C1QTNF7: variants seen among roughly 807,000 people sequenced by gnomAD.
C1QTNF7 encodes complement C1q tumor necrosis factor-related protein 7.
Under a neutral mutation model 19.6 loss-of-function variants are expected in C1QTNF7, and 15 were observed. The observed-to-expected ratio is 0.76, with a 90% CI of 0.51 to 1.18. The LOEUF (loss-of-function observed/expected upper bound fraction) is 1.18. C1QTNF7 is among the 50% of genes most tolerant of loss of function. The pLI, the probability that C1QTNF7 is intolerant of heterozygous loss-of-function variation, is 0.00. For synonymous variants in C1QTNF7, 142 were observed against 137.5 expected, an observed-to-expected ratio of 1.03 and a Z score of -0.23; for missense variants, 324 against 359.7, an observed-to-expected ratio of 0.90 and a Z score of 0.80.
At chr4:15,340,320 G>A (rs1344383559) in intron 1 of C1QTNF7, 1 of 1,267,258 alleles carries the variant, frequency 7.9e-7, no homozygotes, top group Non-Finnish European at 1.1e-6. Context: ...GGGGGAACTT[G>A]TAAAAATATG....
chr4:15,423,109 C>A (rs769900883), upstream of C1QTNF7, among the ~76,000 whole-genome samples: 1 of 152,172 alleles, frequency 6.6e-6, no homozygotes, highest in Non-Finnish European at 1.5e-5. Flanking sequence ...GGCTGTAGAG[C>A]AAAGACTCTT....
At chr4:15,390,417 G>A (rs1490809137) in intron 1 of C1QTNF7, among the ~76,000 whole-genome samples, 2 of 152,188 alleles carry the variant, frequency 1.3e-5, no homozygotes, top group African/African-American at 4.8e-5. Context: ...AGGGACTGAA[G>A]CCTAGCCAAG....
In C1QTNF7 at chr4:15,417,603, C is replaced by T. The variant is rs2430322; in HGVS notation, c.14-18133C>T. Among the ~76,000 whole-genome samples, 1,073 of 152,288 alleles carry T rather than the reference C, an allele frequency of 7.0e-3. 13 individuals are homozygous for T. Among genetic ancestry groups the T allele is most frequent in the African/African-American group, 0.025 (1,028 of 41,570 alleles). On this transcript the variant is annotated intron_variant, in intron 1 of 2. Coordinates refer to the C1QTNF7 transcript ENST00000295297. ...AACAGTCTGAGCAGCATAGTGAGAA[C>T]CTGTCTCTACAAATATGGTGGCACA...
intron 1 of C1QTNF7, among the ~76,000 whole-genome samples, chr4:15,364,633 A>C (rs1434842957): frequency 1.3e-5 from 2 of 152,212 alleles, no homozygotes; most frequent in Admixed American, 6.5e-5. Context: ...AATTGTAATA[A>C]CTTCACATAT....
chr4:15,416,622 C>A (rs373811903), intron 1 of C1QTNF7, among the ~76,000 whole-genome samples: 1 of 152,306 alleles, frequency 6.6e-6, no homozygotes, highest in African/African-American at 2.4e-5. Flanking sequence ...CCACGATACT[C>A]GACCCTGCCT....
intron 1 of C1QTNF7, among the ~76,000 whole-genome samples, chr4:15,413,087 T>C (rs1313701629): frequency 6.6e-6 from 1 of 152,226 alleles, no homozygotes; most frequent in Non-Finnish European, 1.5e-5. Context: ...GTGTCCACTG[T>C]AGCAAGATAA....
At chr4:15,441,081 G>T (rs1000623583) in intron 2 of C1QTNF7, among the ~76,000 whole-genome samples, 1 of 152,120 alleles carries the variant, frequency 6.6e-6, no homozygotes, top group Non-Finnish European at 1.5e-5. Flanking sequence ...GGTGGAAGTT[G>T]CAATGAGCCA....
intron 1 of C1QTNF7, among the ~76,000 whole-genome samples, chr4:15,383,571 C>G (rs1718225550): frequency 6.6e-6 from 1 of 152,268 alleles, no homozygotes; most frequent in African/African-American, 2.4e-5. Context: ...CAATCTCCAA[C>G]TCCTAGCTGG....
At chr4:15,418,455 C>T (rs545899480) in intron 1 of C1QTNF7, among the ~76,000 whole-genome samples, 21 of 152,074 alleles carry the variant, frequency 1.4e-4, no homozygotes, top group Admixed American at 5.9e-4. Context: ...CTATAATTCC[C>T]GAAGTCCTCT....
At chr4:15,356,799 C>T (rs770648397) in intron 1 of C1QTNF7, among the ~76,000 whole-genome samples, 13 of 152,214 alleles carry the variant, frequency 8.5e-5, no homozygotes, top group Non-Finnish European at 1.8e-4. Context: ...TTCTAACTGG[C>T]GTGAGATGGT....
chr4:15,403,749 T>C (rs13132007), intron 1 of C1QTNF7, among the ~76,000 whole-genome samples: 38,580 of 152,116 alleles, frequency 0.25, 5,912 homozygotes, highest in East Asian at 0.37. Context: ...ACAAATGGTG[T>C]GATTTCTGAA....
chr4:15,374,766 C>G, intron 1 of C1QTNF7: 1 of 982,128 alleles, frequency 1.0e-6, no homozygotes, highest in Non-Finnish European at 1.2e-6. Flanking sequence ...GTCTTGTGAG[C>G]AATGTAAGTA....
chr4:15,435,760 A>C lies in C1QTNF7; in HGVS notation c.17A>C (p.Tyr6Ser). ...GAGCCAAAGATGTTTGTCTTGCTCT[A>C]TGTTACAAGTTTTGCCATTTGTGCC... is the stretch of plus-strand genomic sequence containing the variant. MFVLL[Y>S]VTSFAICASG... The change falls in exon 2 of 3, where the codon TAT becomes TCT. Residue 6 changes from tyrosine (Y) to serine (S), a missense_variant. Transcript: ENST00000444304. The C allele has an allele frequency of 6.2e-7, 1 of 1,614,184 alleles. No individual in the cohort carries two copies. The highest frequency in any genetic ancestry group is 8.5e-7 in the Non-Finnish European group (1 of 1,180,026).
chr4:15,404,972 T>C (rs532853051), intron 1 of C1QTNF7, among the ~76,000 whole-genome samples: 2 of 152,226 alleles, frequency 1.3e-5, no homozygotes, highest in Non-Finnish European at 1.5e-5. Flanking sequence ...ATGATTTGCA[T>C]AATATTCCAT....
chr4:15,377,044 C>T (rs1338302836), intron 1 of C1QTNF7, among the ~76,000 whole-genome samples: 1 of 152,240 alleles, frequency 6.6e-6, no homozygotes, highest in African/African-American at 2.4e-5. Flanking sequence ...TAAGCCCTCA[C>T]TCTGTGCTTG....
At chr4:15,350,363 G>A (rs1716893828) in intron 1 of C1QTNF7, among the ~76,000 whole-genome samples, 1 of 149,850 alleles carries the variant, frequency 6.7e-6, no homozygotes, top group Non-Finnish European at 1.5e-5. Flanking sequence ...AGGGAGGAAG[G>A]AAAAAAGAAT....
chr4:15,445,734 T>A lies in C1QTNF7; in HGVS notation c.*2935T>A, dbSNP rs1336662589. 6.6e-6 allele frequency: 1 copy of A among 152,246 alleles called. No individual in the cohort carries two copies. Among genetic ancestry groups the A allele is most frequent in the Non-Finnish European group, 1.5e-5 (1 of 68,052 alleles). 9.4% of individuals were successfully genotyped at this position (152,246 alleles called of 1,614,324 possible). A position where few individuals can be genotyped will look rare whatever the true frequency, so the allele number is the denominator to read the frequency against. Reference sequence around the variant, plus strand: ...AAAGAAAGTAGCAAAACAGTTTTGGTTTAAAAAGTTCCAAGTCTCATTGCA... The same window carrying A: ...AAAGAAAGTAGCAAAACAGTTTTGGATTAAAAAGTTCCAAGTCTCATTGCA... On this transcript the variant is annotated 3_prime_UTR_variant, in exon 3 of 3. Coordinates refer to ENST00000444304, the MANE Select transcript of C1QTNF7 (RefSeq NM_031911.5).
chr4:15,341,297 G>C (rs956090409), intron 1 of C1QTNF7, among the ~76,000 whole-genome samples: 1 of 152,218 alleles, frequency 6.6e-6, no homozygotes, highest in Non-Finnish European at 1.5e-5. Context: ...AGGCCTGGGT[G>C]AGCAATTTGA....
chr4:15,433,781 A>C (rs1712423018), intron 1 of C1QTNF7, among the ~76,000 whole-genome samples: 1 of 152,166 alleles, frequency 6.6e-6, no homozygotes, highest in South Asian at 2.1e-4. Context: ...CAAGTCCCAG[A>C]AAGGTGGCCC....
Sources: allele counts gnomAD v4.1 joint callset (sites outside exome capture counted in the v4.1 genomes callset), GRCh38; gene constraint gnomAD v4.1.1; transcripts MANE v1.5; gene names NCBI Gene and HGNC (gene_info 2026-07-23, HGNC 2026-07-21).